Variants in FAF1 observed in about 807,000 individuals in gnomAD.
FAF1 encodes the protein Fas associated factor 1.
FAF1 carries 25 observed loss-of-function variants against 92.5 expected under a neutral mutation model. The ratio of observed to expected loss-of-function variants is 0.27; its 90% CI spans 0.20 to 0.38. The LOEUF is 0.38. Among genes scored for constraint, FAF1 ranks in the 10% least tolerant of loss-of-function variants. The probability of loss-of-function intolerance (pLI) is 1.00; values close to 1 mark genes in which losing one functional copy is unlikely to be tolerated. For synonymous variants in FAF1, 234 were observed against 273.2 expected, an observed-to-expected ratio of 0.86 and a Z score of 1.42; for missense variants, 636 against 793.3, an observed-to-expected ratio of 0.80 and a Z score of 2.38.
chr1:50,941,271 G>A (rs539153779), intron 1 of FAF1, among the ~76,000 whole-genome samples: 1 of 152,268 alleles, frequency 6.6e-6, no homozygotes, highest in African/African-American at 2.4e-5. Flanking sequence ...GTGCAGTGGT[G>A]TGATCTCAGC....
At chr1:50,714,872 C>T (rs1406010224) in intron 6 of FAF1, 1 of 248,742 alleles carries the variant, frequency 4.0e-6, no homozygotes, top group East Asian at 9.2e-5. Flanking sequence ...TCAGAGCAGA[C>T]GTAGGCCAAG....
chr1:50,527,609 C>G (rs993435135), intron 15 of FAF1, among the ~76,000 whole-genome samples: 1 of 152,208 alleles, frequency 6.6e-6, no homozygotes, highest in African/African-American at 2.4e-5. Context: ...ACTACTTCCA[C>G]CTCTTCAACA....
intron 1 of FAF1, among the ~76,000 whole-genome samples, chr1:50,871,663 C>T (rs1644529113): frequency 2.0e-5 from 3 of 152,178 alleles, no homozygotes. Context: ...AAAACAGATT[C>T]CTTTCAAACT....
intron 1 of FAF1, among the ~76,000 whole-genome samples, chr1:50,952,841 C>T (rs1461168584): frequency 4.0e-5 from 6 of 151,880 alleles, no homozygotes; most frequent in South Asian, 2.1e-4. Flanking sequence ...GCAGCCGCCC[C>T]GTCTGGGAAG....
Position 50,437,758 on chromosome 1 carries a change from C to T in FAF1, c.*3682G>A, listed in dbSNP as rs1348189743. The T allele has an allele frequency of 6.6e-6, 1 of 152,004 alleles. No homozygotes were observed. Among genetic ancestry groups the T allele is most frequent in the Non-Finnish European group, 1.5e-5 (1 of 68,034 alleles). 9.4% of individuals were successfully genotyped at this position (152,004 alleles called of 1,614,324 possible). ...AGATTCTTGGCCGGGCGCCGTGGCT[C>T]ACGCCTGTAACCCTGGCACTTTGGG... On this transcript the variant is annotated 3_prime_UTR_variant, in exon 19 of 19. Coordinates refer to ENST00000396153, the MANE Select transcript of FAF1 (RefSeq NM_007051.3).
At chr1:50,695,775 A>T (rs1373769916) in intron 7 of FAF1, among the ~76,000 whole-genome samples, 1 of 151,882 alleles carries the variant, frequency 6.6e-6, no homozygotes, top group East Asian at 1.9e-4. Context: ...CAGCCTCCTG[A>T]GTAGCTGGGA....
intron 1 of FAF1, among the ~76,000 whole-genome samples, chr1:50,921,486 G>T (rs1257595214): frequency 6.6e-6 from 1 of 152,222 alleles, no homozygotes. Context: ...AAGTGGCCAG[G>T]CATGGTGGCT....
chr1:50,625,898 A>T (rs1451631566), intron 8 of FAF1, among the ~76,000 whole-genome samples: 1 of 152,192 alleles, frequency 6.6e-6, no homozygotes, highest in Non-Finnish European at 1.5e-5. Context: ...GTTCTGGAGA[A>T]TGGAGTGAGG....
At chr1:50,909,239 G>A (rs191044208) in intron 1 of FAF1, among the ~76,000 whole-genome samples, 1 of 152,364 alleles carries the variant, frequency 6.6e-6, no homozygotes, top group African/African-American at 2.4e-5. Context: ...TCTGCCCAGA[G>A]ATCCGCTGTT....
At chr1:50,456,006 C>T (rs112928681) in intron 18 of FAF1, among the ~76,000 whole-genome samples, 37,944 of 151,792 alleles carry the variant, frequency 0.25, 5,202 homozygotes, top group Middle Eastern at 0.43. Flanking sequence ...GCCTGGGAGG[C>T]GGAGATGGCA....
rs549781941 is a variant in FAF1, at chr1:50,927,723, A to T, written c.45+32044T>A. ...ATTCTTCTTTTTCATTTGTTTAAAC[A>T]AATTTTTTTTCTTACAATTCTGAGA... On this transcript the variant is annotated intron_variant, in intron 1 of 18. Transcript: ENST00000396153. Among the ~76,000 whole-genome samples the T allele has an allele frequency of 3.4e-4, 52 of 152,290 alleles. 1 individual carries two copies. In the South Asian group the frequency reaches 9.5e-3, roughly 28 times the overall value.
At position 50,556,913 on chromosome 1, in the gene FAF1, G is replaced by C. The variant is rs72898997; in HGVS notation, c.1268+10164C>G. On this transcript the variant is annotated intron_variant, in intron 13 of 18. Coordinates refer to ENST00000396153, the MANE Select transcript of FAF1 (RefSeq NM_007051.3). ...AAAATAGAAAATCAGTTTTCTTTAA[G>C]AACAGCAACTGACACATTTTAATGT... is the stretch of plus-strand genomic sequence containing the variant. Among the ~76,000 whole-genome samples, 992 of 152,050 alleles carry C rather than the reference G, an allele frequency of 6.5e-3. 19 individuals carry two copies. Among genetic ancestry groups the C allele is most frequent in the African/African-American group, 0.023 (947 of 41,500 alleles).
chr1:50,581,471 C>T (rs1390159641), intron 12 of FAF1, among the ~76,000 whole-genome samples: 4 of 152,160 alleles, frequency 2.6e-5, no homozygotes, highest in African/African-American at 9.7e-5. Context: ...CTTCCTTCTT[C>T]CCTTTCTTTA....
chr1:50,775,976 C>T (rs934402240), intron 4 of FAF1, among the ~76,000 whole-genome samples: 2 of 151,998 alleles, frequency 1.3e-5, no homozygotes, highest in Non-Finnish European at 2.9e-5. Flanking sequence ...AACTATAATC[C>T]AGAACAAATA....
chr1:50,559,073 A>G (rs570046654), intron 13 of FAF1, among the ~76,000 whole-genome samples: 1 of 152,316 alleles, frequency 6.6e-6, no homozygotes, highest in South Asian at 2.1e-4. Context: ...CTACAAGGTG[A>G]AACCCCATCT....
At chr1:50,528,083 G>A (rs940834386) in intron 15 of FAF1, among the ~76,000 whole-genome samples, 2 of 151,844 alleles carry the variant, frequency 1.3e-5, no homozygotes, top group African/African-American at 4.8e-5. Context: ...GCCCAGGCTG[G>A]TCTCAAACTC....
rs1313088902 is a variant in FAF1 at position 50,438,749 on chromosome 1, T to C, written c.*2691A>G. ...TGTTATTATGTGACTAATATGTTTC[T>C]AATGTCAGCAGCAAGTAAAATCTAT... On this transcript the variant is annotated 3_prime_UTR_variant, in exon 19 of 19. Transcript: ENST00000396153. 1 of 152,368 alleles carries C rather than the reference T, an allele frequency of 6.6e-6. No individual in the cohort carries two copies. Among genetic ancestry groups the C allele is most frequent in the Non-Finnish European group, 1.5e-5 (1 of 68,042 alleles). The allele number at this position is 152,368 out of a possible 1,614,324, so 9.4% of individuals were successfully genotyped here. A position where few individuals can be genotyped will look rare whatever the true frequency, so the allele number is the denominator to read the frequency against.
At chr1:50,677,257 C>T (rs1262454668) in intron 7 of FAF1, among the ~76,000 whole-genome samples, 5 of 152,110 alleles carry the variant, frequency 3.3e-5, no homozygotes, top group African/African-American at 1.2e-4. Flanking sequence ...TAAGAATATA[C>T]TTGTGTATAT....
intron 4 of FAF1, among the ~76,000 whole-genome samples, chr1:50,772,369 A>G (rs1660805235): frequency 6.6e-6 from 1 of 152,176 alleles, no homozygotes; most frequent in Non-Finnish European, 1.5e-5. Flanking sequence ...AGGAACATCA[A>G]TCATCACACC....
Sources: gnomAD v4.1 joint callset for allele counts (sites outside exome capture counted in the v4.1 genomes callset) on GRCh38, gnomAD v4.1.1 for gene constraint, MANE v1.5 for transcripts, NCBI Gene and HGNC (gene_info 2026-07-23, HGNC 2026-07-21) for gene names.